MDFIC2: variants seen among roughly 807,000 people sequenced by gnomAD.
MDFIC2 encodes the protein myoD family inhibitor domain-containing protein 2.
intron 2 of MDFIC2, among the ~76,000 whole-genome samples, chr3:70,226,147 G>A (rs1247540524): frequency 1.3e-5 from 2 of 152,236 alleles, no homozygotes; most frequent in Admixed American, 1.3e-4. Flanking sequence ...ATTTGAAGGA[G>A]GACAGTAATC....
intron 2 of MDFIC2, chr3:70,271,971 C>G (rs1328333638): frequency 1.4e-4 from 22 of 152,268 alleles, no homozygotes; most frequent in Admixed American, 1.4e-3. Context: ...TCATGTTGAC[C>G]TGGCTGATCT....
At chr3:70,243,100 T>C (rs1189918409) in intron 2 of MDFIC2, among the ~76,000 whole-genome samples, 1 of 152,212 alleles carries the variant, frequency 6.6e-6, no homozygotes, top group Non-Finnish European at 1.5e-5. Context: ...ATCTTTCTCC[T>C]GCCTCTTAAT....
chr3:70,304,022 T>A (rs1702376806), intron 2 of MDFIC2, among the ~76,000 whole-genome samples: 1 of 152,184 alleles, frequency 6.6e-6, no homozygotes, highest in Non-Finnish European at 1.5e-5. Context: ...AGGATAGAGT[T>A]TACTACAATA....
At chr3:70,299,987 T>A (rs1559557958) in intron 2 of MDFIC2, among the ~76,000 whole-genome samples, 2 of 152,170 alleles carry the variant, frequency 1.3e-5, no homozygotes, top group Non-Finnish European at 2.9e-5. Flanking sequence ...CCCAGACTTT[T>A]CTGCCTCCAT....
intron 2 of MDFIC2, among the ~76,000 whole-genome samples, chr3:70,265,633 T>C (rs1032964660): frequency 1.4e-4 from 21 of 152,200 alleles, no homozygotes; most frequent in African/African-American, 5.1e-4. Context: ...ATAAGGGACA[T>C]TTTCTCCATG....
intron 2 of MDFIC2, among the ~76,000 whole-genome samples, chr3:70,293,584 G>C (rs1052812395): frequency 6.6e-6 from 1 of 152,132 alleles, no homozygotes; most frequent in Non-Finnish European, 1.5e-5. Context: ...TGCCTTACTT[G>C]GGTGCCACAG....
intron 2 of MDFIC2, among the ~76,000 whole-genome samples, chr3:70,299,271 G>A (rs1202009264): frequency 6.6e-6 from 1 of 152,008 alleles, no homozygotes; most frequent in Non-Finnish European, 1.5e-5. Flanking sequence ...ATCAAAACAT[G>A]CTATTAAAAT....
chr3:70,208,815 A>G (rs1260296360), intron 2 of MDFIC2, among the ~76,000 whole-genome samples: 1 of 152,094 alleles, frequency 6.6e-6, no homozygotes, highest in African/African-American at 2.4e-5. Context: ...CTGATCCTCC[A>G]AACAGCCTTG....
chr3:70,206,858 T>C (rs1701296410), intron 2 of MDFIC2, 68 bp from the exon 3 acceptor site: 2 of 396,340 alleles, frequency 5.0e-6, no homozygotes, highest in East Asian at 7.1e-5. Flanking sequence ...GACCTAAGAA[T>C]GCAGAAATTT....
rs553867941 is a variant in MDFIC2, at chr3:70,211,593, C to T, written c.89-4803G>A. Among the ~76,000 whole-genome samples, 455 of 117,438 alleles carry T rather than the reference C, an allele frequency of 3.9e-3. 12 individuals carry two copies. The highest frequency in any genetic ancestry group is 0.014 in the African/African-American group (429 of 30,344). The allele number at this position is 117,438 out of a possible 152,430, so 77.0% of individuals were successfully genotyped here. On this transcript the variant is annotated intron_variant, in intron 2 of 3. Transcript: ENST00000567252. ...CCTTCCCTTCCCTTCCTTTCCCTTC[C>T]CTTCCCTTTGCCTTTCCCTTCCCTT...
chr3:70,257,871 C>A (rs1346846697), intron 2 of MDFIC2, among the ~76,000 whole-genome samples: 1 of 152,072 alleles, frequency 6.6e-6, no homozygotes, highest in African/African-American at 2.4e-5. Flanking sequence ...TATTTGATTT[C>A]CAAAGTTGCA....
chr3:70,234,229 G>A (rs1373516598), intron 2 of MDFIC2, among the ~76,000 whole-genome samples: 1 of 152,154 alleles, frequency 6.6e-6, no homozygotes, highest in Admixed American at 6.5e-5. Context: ...AGAGGGCTGG[G>A]TTGACACCTA....
At chr3:70,223,512 G>A (rs769962782) in intron 2 of MDFIC2, among the ~76,000 whole-genome samples, 2 of 152,058 alleles carry the variant, frequency 1.3e-5, no homozygotes, top group Non-Finnish European at 2.9e-5. Flanking sequence ...AGATTTCAAG[G>A]AAACTAGCGC....
At chr3:70,303,361 A>G (rs1459152278) in intron 2 of MDFIC2, among the ~76,000 whole-genome samples, 1 of 152,106 alleles carries the variant, frequency 6.6e-6, no homozygotes. Flanking sequence ...AAAGTTATTG[A>G]GCTTTCTTCC....
intron 2 of MDFIC2, among the ~76,000 whole-genome samples, chr3:70,263,686 G>A (rs769180757): frequency 6.6e-6 from 1 of 152,040 alleles, no homozygotes; most frequent in Non-Finnish European, 1.5e-5. Flanking sequence ...TTTATCTACC[G>A]AGCTCCCTTC....
intron 2 of MDFIC2, among the ~76,000 whole-genome samples, chr3:70,278,076 T>C (rs1363637064): frequency 6.6e-6 from 1 of 152,134 alleles, no homozygotes; most frequent in East Asian, 1.9e-4. Context: ...TTCAGCAACA[T>C]AGACAGCTCT....
intron 2 of MDFIC2, among the ~76,000 whole-genome samples, chr3:70,212,169 A>G (rs1576157157): frequency 6.6e-6 from 1 of 152,084 alleles, no homozygotes; most frequent in South Asian, 2.1e-4. Context: ...CATAAACTAC[A>G]CTCCTGGCAC....
intron 2 of MDFIC2, among the ~76,000 whole-genome samples, chr3:70,276,002 A>C (rs1015520398): frequency 3.3e-5 from 5 of 152,154 alleles, no homozygotes; most frequent in Admixed American, 2.6e-4. Context: ...CCCCACAATA[A>C]ACTTTTAAAA....
intron 2 of MDFIC2, among the ~76,000 whole-genome samples, chr3:70,285,079 T>G (rs1355951974): frequency 6.6e-6 from 1 of 152,072 alleles, no homozygotes; most frequent in Non-Finnish European, 1.5e-5. Flanking sequence ...TATTATACTT[T>G]AAGTTTTAGG....
Sources: gnomAD v4.1 joint callset for allele counts (sites outside exome capture counted in the v4.1 genomes callset) on GRCh38, gnomAD v4.1.1 for gene constraint, MANE v1.5 for transcripts, NCBI Gene and HGNC (gene_info 2026-07-23, HGNC 2026-07-21) for gene names.